FOXO3: variants seen among roughly 807,000 people sequenced by gnomAD.
FOXO3 encodes forkhead box O3, also known as forkhead box protein O3.
Under a neutral mutation model 41.9 loss-of-function variants are expected in FOXO3, and 4 were observed. The ratio of observed to expected loss-of-function variants is 0.10; its 90% CI spans 0.05 to 0.22. The LOEUF (loss-of-function observed/expected upper bound fraction) is 0.22, where lower values mean the gene tolerates loss of function less well. FOXO3 is among the 10% of genes least tolerant of loss of function. The pLI, the probability that FOXO3 is intolerant of heterozygous loss-of-function variation, is 1.00. For missense variants in FOXO3, 534 were observed against 906.8 expected (o/e 0.59, Z 5.28); for synonymous variants, 318 against 389.3 (o/e 0.82, Z 2.16).
chr6:108,674,413 C>T (rs530332153), intron 2 of FOXO3, among the ~76,000 whole-genome samples: 8 of 152,234 alleles, frequency 5.3e-5, no homozygotes, highest in South Asian at 4.1e-4. Flanking sequence ...ATGTGCTGCA[C>T]GAGGGAAGAT....
rs774395872 is a variant in FOXO3, at chr6:108,664,132, G to A, written c.1299G>A (p.Thr433=). 4 of 1,614,002 alleles carry A rather than the reference G, an allele frequency of 2.5e-6. No individual in the cohort carries two copies. Among genetic ancestry groups the A allele is most frequent in the East Asian group, 2.2e-5 (1 of 44,886 alleles). Residue 433 remains threonine, a synonymous_variant, in exon 2 of 3, where the codon ACG becomes ACA. Transcript: ENST00000406360. ...CCCCAACCAGCTCCTTTAACAGCAC[G>A]GTGTTCGGACCTTCATCTCTGAACT... ...LGSPTSSFNS[T]VFGPSSLNSL... is the part of the protein sequence containing the mutation.
intron 2 of FOXO3, among the ~76,000 whole-genome samples, chr6:108,666,308 A>C (rs1230012756): frequency 2.0e-5 from 3 of 151,890 alleles, no homozygotes; most frequent in Non-Finnish European, 4.4e-5. Context: ...AAGGTTACAG[A>C]GCTAGGTTGA....
At chr6:108,629,744 A>G (rs1777910664) in intron 1 of FOXO3, among the ~76,000 whole-genome samples, 1 of 151,692 alleles carries the variant, frequency 6.6e-6, no homozygotes, top group Non-Finnish European at 1.5e-5. Flanking sequence ...CTGGCTTTTT[A>G]TGAATAAAGT....
At position 108,665,080 on chromosome 6, in the gene FOXO3, C is replaced by T. The variant is rs550217492; in HGVS notation, c.*34+191C>T. 4.1e-3 allele frequency among the ~76,000 whole-genome samples: 619 copies of T among 152,226 alleles called. 3 individuals are homozygous for T. Among genetic ancestry groups the T allele is most frequent in the African/African-American group, 0.014 (599 of 41,538 alleles). The stretch of plus-strand genomic sequence containing the variant: ...GCAAACCAAATAGGGCTGTCAGGTG[C>T]CCCCCTTCCCCCGCACAGTTTGCTG... On this transcript the variant is annotated intron_variant, in intron 2 of 2. Coordinates refer to ENST00000406360, the MANE Select transcript of FOXO3 (RefSeq NM_001455.4).
chr6:108,651,435 G>A (rs1408690226), intron 1 of FOXO3, among the ~76,000 whole-genome samples: 2 of 152,172 alleles, frequency 1.3e-5, no homozygotes, highest in East Asian at 1.9e-4. Context: ...GGGCCTGTGC[G>A]TAGCTGTGTG....
intron 2 of FOXO3, among the ~76,000 whole-genome samples, chr6:108,672,405 C>T (rs911960519): frequency 5.9e-5 from 9 of 152,280 alleles, no homozygotes; most frequent in East Asian, 1.9e-4. Context: ...CTTCTCTAAG[C>T]GCTTCTAAAT....
intron 1 of FOXO3, among the ~76,000 whole-genome samples, chr6:108,607,421 G>A (rs1202980444): frequency 1.3e-5 from 2 of 148,222 alleles, no homozygotes; most frequent in Admixed American, 1.3e-4. Flanking sequence ...CTGCACTCCA[G>A]CCTGGGTGAC....
intron 2 of FOXO3, among the ~76,000 whole-genome samples, chr6:108,671,074 A>C (rs1419675318): frequency 6.6e-6 from 1 of 152,166 alleles, no homozygotes; most frequent in Non-Finnish European, 1.5e-5. Context: ...CTTCCTCACA[A>C]GGTTGGAGCA....
Position 108,566,810 on chromosome 6 carries a change from G to A in FOXO3, c.621+4981G>A, listed in dbSNP as rs534758662. On this transcript the variant is annotated intron_variant, in intron 1 of 2. Transcript: ENST00000406360. ...TGAAGAGCCACTTTACCTTTTTGGT[G>A]CTATAAAAGGAGCTGGGGATCATAA... 3.9e-5 allele frequency among the ~76,000 whole-genome samples: 6 copies of A among 152,290 alleles called. No homozygotes were observed. In the South Asian group the frequency reaches 1.2e-3, roughly 32 times the overall value.
At chr6:108,568,215 CTTTT>C in intron 1 of FOXO3, among the ~76,000 whole-genome samples, 2 of 140,240 alleles carry the variant, frequency 1.4e-5, no homozygotes, top group Admixed American at 1.4e-4. Flanking sequence ...CTCTCTCTCT[CTTTT>C]TTTTTTTTTT....
chr6:108,570,361 T>G (rs116239799), intron 1 of FOXO3, among the ~76,000 whole-genome samples: 2,428 of 152,280 alleles, frequency 0.016, 62 homozygotes, highest in African/African-American at 0.056. Flanking sequence ...TCACCTAGGC[T>G]GGAGTGCGGT....
chr6:108,674,552 A>C (rs1413306666), intron 2 of FOXO3, among the ~76,000 whole-genome samples: 1 of 152,224 alleles, frequency 6.6e-6, no homozygotes, highest in Non-Finnish European at 1.5e-5. Context: ...CATTTCAGGC[A>C]CATTATGATT....
In FOXO3 at chr6:108,561,094, G is replaced by A. The variant is rs1416023818; in HGVS notation, c.-115G>A. 1 of 1,429,064 alleles carries A rather than the reference G, an allele frequency of 7.0e-7. No individual in the cohort carries two copies. Among genetic ancestry groups the A allele is most frequent in the Non-Finnish European group, 9.1e-7 (1 of 1,100,958 alleles). 88.5% of individuals were successfully genotyped at this position (1,429,064 alleles called of 1,614,324 possible). A position where few individuals can be genotyped will look rare whatever the true frequency, so the allele number is the denominator to read the frequency against. ...CTTTGGTGCTTCCCCAGGCGGCGGC[G>A]GCGGCGCCCGGGAGCCGGAGCCTTC... On this transcript the variant is annotated 5_prime_UTR_variant, in exon 1 of 3. Transcript: ENST00000406360.
intron 1 of FOXO3, among the ~76,000 whole-genome samples, chr6:108,661,874 A>G (rs1778876209): frequency 1.3e-5 from 2 of 152,146 alleles, no homozygotes; most frequent in South Asian, 4.1e-4. Context: ...TTATTTTAGG[A>G]TACTTTTAAA....
At chr6:108,659,132 G>A (rs973817189) in intron 1 of FOXO3, among the ~76,000 whole-genome samples, 1 of 152,056 alleles carries the variant, frequency 6.6e-6, no homozygotes, top group Non-Finnish European at 1.5e-5. Context: ...CGATCCGTCT[G>A]CCTCAGTGTC....
At chr6:108,609,774 A>T (rs889844766) in intron 1 of FOXO3, among the ~76,000 whole-genome samples, 1 of 152,190 alleles carries the variant, frequency 6.6e-6, no homozygotes, top group African/African-American at 2.4e-5. Flanking sequence ...AGGACATATC[A>T]TTACAGGTCT....
rs531541389 is a variant in FOXO3, at chr6:108,636,633, G to A, written c.622-26822G>A. On this transcript the variant is annotated intron_variant, in intron 1 of 2. Coordinates refer to ENST00000406360, the MANE Select transcript of FOXO3 (RefSeq NM_001455.4). ...TCACCACTGTGCATCCTGGGAAGTG[G>A]CCTCCTCCTTTAAATAGGGATGGAG... Among the ~76,000 whole-genome samples the A allele has an allele frequency of 1.2e-4, 19 of 152,248 alleles. No homozygotes were observed. The South Asian group carries it at 2.9e-3, about 23-fold the overall frequency.
chr6:108,570,100 T>C (rs938701798), intron 1 of FOXO3, among the ~76,000 whole-genome samples: 1 of 146,762 alleles, frequency 6.8e-6, no homozygotes. Context: ...CCTGGGTTCA[T>C]GCCATTCTCC....
intron 1 of FOXO3, among the ~76,000 whole-genome samples, chr6:108,658,045 G>C (rs1326981603): frequency 1.3e-5 from 2 of 152,180 alleles, no homozygotes; most frequent in Non-Finnish European, 2.9e-5. Flanking sequence ...CTGTGGAGTG[G>C]AGTATGCACA....
Sources: gnomAD v4.1 joint callset for allele counts (sites outside exome capture counted in the v4.1 genomes callset) on GRCh38, gnomAD v4.1.1 for gene constraint, MANE v1.5 for transcripts, NCBI Gene and HGNC (gene_info 2026-07-23, HGNC 2026-07-21) for gene names.